EPB41L3: variants seen among roughly 807,000 people sequenced by gnomAD.
EPB41L3 encodes band 4.1-like protein 3.
Under a neutral mutation model 127.1 loss-of-function variants are expected in EPB41L3, and 57 were observed. That is an observed-to-expected ratio of 0.45 (90% CI 0.36 to 0.56). The LOEUF is 0.56. Among genes scored for constraint, EPB41L3 ranks in the 20% least tolerant of loss-of-function variants. The pLI, the probability that EPB41L3 is intolerant of heterozygous loss-of-function variation, is 0.00. For missense variants in EPB41L3, 1,273 were observed against 1,372.2 expected (o/e 0.93, Z 1.14); for synonymous variants, 572 against 549.5 (o/e 1.04, Z -0.57).
chr18:5,573,046 A>G (rs2094300163), intron 3 of EPB41L3, among the ~76,000 whole-genome samples: 1 of 152,240 alleles, frequency 6.6e-6, no homozygotes, highest in African/African-American at 2.4e-5. Context: ...ACTCTTTGGC[A>G]GCAAGGAAGA....
intron 15 of EPB41L3, 85 bp downstream of exon 15, chr18:5,407,616 G>T (rs1371913082): frequency 2.1e-6 from 3 of 1,423,560 alleles, no homozygotes; most frequent in African/African-American, 1.4e-5. Context: ...CATGCTGAAA[G>T]ATCTGAACGC....
At chr18:5,586,791 G>T (rs2094446262) in intron 3 of EPB41L3, among the ~76,000 whole-genome samples, 1 of 152,032 alleles carries the variant, frequency 6.6e-6, no homozygotes, top group Non-Finnish European at 1.5e-5. Flanking sequence ...TAACTATTTG[G>T]CAGCTTGATT....
chr18:5,488,875 T>TG, intron 2 of EPB41L3, 126 bp downstream of exon 2: 1 of 1,040,688 alleles, frequency 9.6e-7, no homozygotes, highest in South Asian at 1.8e-5. Flanking sequence ...TTCATCTGCC[T>TG]GGGGCTAGAA....
At chr18:5,491,306 T>C (rs1394890670) in intron 1 of EPB41L3, among the ~76,000 whole-genome samples, 4 of 152,200 alleles carry the variant, frequency 2.6e-5, no homozygotes, top group Non-Finnish European at 1.5e-5. Flanking sequence ...ATGACCCACC[T>C]ACTCTGGACT....
At chr18:5,408,405 C>G (rs1324490596) in intron 14 of EPB41L3, among the ~76,000 whole-genome samples, 1 of 151,592 alleles carries the variant, frequency 6.6e-6, no homozygotes, top group Non-Finnish European at 1.5e-5. Flanking sequence ...TCCCAGGTAG[C>G]TGGGATTACA....
chr18:5,419,303 T>C (rs917075266), intron 12 of EPB41L3, among the ~76,000 whole-genome samples: 1 of 152,198 alleles, frequency 6.6e-6, no homozygotes, highest in Non-Finnish European at 1.5e-5. Flanking sequence ...GTCAGAAGAA[T>C]GGCAATATGA....
chr18:5,508,016 C>A (rs2092310996), intron 1 of EPB41L3: 2 of 152,170 alleles, frequency 1.3e-5, no homozygotes, highest in Admixed American at 1.3e-4. Context: ...GAGATAATTA[C>A]TTACCCCAGG....
chr18:5,442,626 T>G (rs2080941756), intron 5 of EPB41L3, among the ~76,000 whole-genome samples: 1 of 152,232 alleles, frequency 6.6e-6, no homozygotes, highest in South Asian at 2.1e-4. Flanking sequence ...AATGATGTTC[T>G]TATTAATAAA....
intron 1 of EPB41L3, among the ~76,000 whole-genome samples, chr18:5,527,117 T>A (rs571268012): frequency 6.6e-6 from 1 of 152,078 alleles, no homozygotes; most frequent in African/African-American, 2.4e-5. Flanking sequence ...GTGGAAGTGT[T>A]CATTCTTAAG....
At chr18:5,437,875 A>G (rs2080093680) in intron 6 of EPB41L3, among the ~76,000 whole-genome samples, 160 bp downstream of exon 6, 2 of 152,152 alleles carry the variant, frequency 1.3e-5, no homozygotes, top group Admixed American at 6.5e-5. Context: ...GAACTGGCAA[A>G]TCTCATCAGA....
chr18:5,443,449 A>G (rs1598999348), intron 5 of EPB41L3, among the ~76,000 whole-genome samples: 2 of 152,366 alleles, frequency 1.3e-5, no homozygotes, highest in South Asian at 2.1e-4. Flanking sequence ...GGTTGTTACC[A>G]GACAGTAAAC....
At chr18:5,617,789 G>T (rs770677098) in intron 1 of EPB41L3, among the ~76,000 whole-genome samples, 8 of 152,184 alleles carry the variant, frequency 5.3e-5, no homozygotes, top group Non-Finnish European at 1.2e-4. Flanking sequence ...TTGGAGCAAG[G>T]AGTATATTTT....
At chr18:5,525,945 G>T (rs565319508) in intron 1 of EPB41L3, among the ~76,000 whole-genome samples, 2 of 152,066 alleles carry the variant, frequency 1.3e-5, no homozygotes, top group Non-Finnish European at 2.9e-5. Flanking sequence ...TTATAAGGAT[G>T]GTAATGATGC....
At chr18:5,439,240 T>G (rs973469937) in intron 5 of EPB41L3, among the ~76,000 whole-genome samples, 1 of 152,104 alleles carries the variant, frequency 6.6e-6, no homozygotes, top group Non-Finnish European at 1.5e-5. Flanking sequence ...GCCACCGACT[T>G]GCCCTTACTC....
intron 3 of EPB41L3, among the ~76,000 whole-genome samples, chr18:5,456,535 C>T (rs1287902887): frequency 6.6e-6 from 1 of 152,200 alleles, no homozygotes; most frequent in Non-Finnish European, 1.5e-5. Context: ...CTTGTCTGCA[C>T]TTGCGCATAT....
At chr18:5,461,415 G>T (rs7244835) in intron 3 of EPB41L3, among the ~76,000 whole-genome samples, 112,106 of 152,104 alleles carry the variant, frequency 0.74, 41,469 homozygotes, top group East Asian at 0.83. Flanking sequence ...AGTGCAAATA[G>T]GACTTAGAAT....
intron 3 of EPB41L3, among the ~76,000 whole-genome samples, chr18:5,469,665 C>T (rs183751820): frequency 1.5e-3 from 232 of 152,238 alleles, no homozygotes; most frequent in Middle Eastern, 3.4e-3. Context: ...TAGAGGCTTC[C>T]GGCTGGAAAA....
Position 5,480,340 on chromosome 18 carries a change from G to A in EPB41L3, c.184-1902C>T, listed in dbSNP as rs766058150. Among the ~76,000 whole-genome samples the A allele has an allele frequency of 1.8e-4, 28 of 152,122 alleles. 1 individual carries two copies. Among genetic ancestry groups the A allele is most frequent in the Non-Finnish European group, 1.5e-4 (10 of 68,020 alleles). ...TACCTCAAATGAAATGTCAATCATA[G>A]TCATATGATGCGTTCTAATTTTAAA... On this transcript the variant is annotated intron_variant, in intron 2 of 22. Coordinates refer to ENST00000341928, the MANE Select transcript of EPB41L3 (RefSeq NM_012307.5).
intron 16 of EPB41L3, 107 bp from the exon 17 acceptor site, chr18:5,398,250 A>G (rs2073917912): frequency 4.6e-6 from 6 of 1,299,400 alleles, no homozygotes; most frequent in Middle Eastern, 1.9e-4. Context: ...GGAGACAGGG[A>G]GGAGGAAGAA....
Sources: allele counts gnomAD v4.1 joint callset (sites outside exome capture counted in the v4.1 genomes callset), GRCh38; gene constraint gnomAD v4.1.1; transcripts MANE v1.5; gene names NCBI Gene and HGNC (gene_info 2026-07-23, HGNC 2026-07-21).